FRMD4A: variants seen among roughly 807,000 people sequenced by gnomAD.
FRMD4A encodes FERM domain-containing protein 4A.
Under a neutral mutation model 129.1 loss-of-function variants are expected in FRMD4A, and 29 were observed. The ratio of observed to expected loss-of-function variants is 0.22; its 90% CI spans 0.17 to 0.31. The LOEUF (loss-of-function observed/expected upper bound fraction) is 0.31. Ranked by LOEUF, FRMD4A falls within the 10% of genes least tolerant of loss-of-function variation. The pLI is 1.00. For synonymous variants in FRMD4A, 634 were observed against 571.6 expected, an observed-to-expected ratio of 1.11 and a Z score of -1.56; for missense variants, 1,272 against 1,375.8, an observed-to-expected ratio of 0.92 and a Z score of 1.19.
chr10:13,917,305 TG>T (rs2095020969), intron 2 of FRMD4A, among the ~76,000 whole-genome samples: 4 of 147,860 alleles, frequency 2.7e-5, no homozygotes, highest in Admixed American at 6.7e-5. Flanking sequence ...TTTTTTGAGA[TG>T]GAGACTCGCT....
chr10:14,141,651 C>A (rs1012374589), intron 2 of FRMD4A, among the ~76,000 whole-genome samples: 1 of 152,124 alleles, frequency 6.6e-6, no homozygotes, highest in African/African-American at 2.4e-5. Flanking sequence ...AGGCCTTTTC[C>A]CCTGTCCTTC....
At chr10:13,942,794 G>A (rs959630587) in intron 2 of FRMD4A, among the ~76,000 whole-genome samples, 21 of 152,084 alleles carry the variant, frequency 1.4e-4, no homozygotes, top group South Asian at 6.2e-4. Flanking sequence ...TTAGCTGGGC[G>A]TGGTGGCGCG....
chr10:13,645,388 A>G lies in FRMD4A; in HGVS notation c.*1650T>C, dbSNP rs2081063125. 1 of 110,482 alleles carries G rather than the reference A, an allele frequency of 9.1e-6. No homozygotes were observed. Among genetic ancestry groups the G allele is most frequent in the South Asian group, 3.3e-4 (1 of 3,038 alleles). 6.8% of individuals were successfully genotyped at this position (110,482 alleles called of 1,614,324 possible). ...ACCCCATCCCCCCACCACTTGCGCC[A>G]AAAGCACAGCATACCACCTCTGCGG... On this transcript the variant is annotated 3_prime_UTR_variant, in exon 25 of 25. Coordinates refer to ENST00000357447, the MANE Select transcript of FRMD4A (RefSeq NM_018027.5).
At chr10:14,158,873 G>C (rs953047157) in intron 2 of FRMD4A, among the ~76,000 whole-genome samples, 8 of 140,636 alleles carry the variant, frequency 5.7e-5, no homozygotes, top group African/African-American at 1.9e-4. Flanking sequence ...AGGAGGAGGA[G>C]GTAGCCTTCT....
At chr10:13,795,238 A>G (rs1402640706) in intron 5 of FRMD4A, among the ~76,000 whole-genome samples, 6 of 152,234 alleles carry the variant, frequency 3.9e-5, no homozygotes, top group Non-Finnish European at 7.3e-5. Flanking sequence ...TTTGCTTTAT[A>G]TGGTTGCTTT....
chr10:14,157,885 A>G (rs538910077), intron 2 of FRMD4A, among the ~76,000 whole-genome samples: 4 of 152,314 alleles, frequency 2.6e-5, no homozygotes, highest in African/African-American at 9.6e-5. Flanking sequence ...CAAGTCAGGA[A>G]AGGATTCATA....
chr10:14,235,867 AT>A (rs1457391697), intron 2 of FRMD4A, among the ~76,000 whole-genome samples: 1 of 152,180 alleles, frequency 6.6e-6, no homozygotes. Context: ...ACAGACCACA[AT>A]TCCCGTGCCA....
chr10:14,163,393 G>T (rs1366445234), intron 2 of FRMD4A, among the ~76,000 whole-genome samples: 3 of 152,078 alleles, frequency 2.0e-5, no homozygotes, highest in African/African-American at 7.2e-5. Flanking sequence ...TTACCCAATC[G>T]CTATCATCCA....
At chr10:14,220,810 G>T (rs2400058) in intron 2 of FRMD4A, among the ~76,000 whole-genome samples, 5,842 of 26,788 alleles carry the variant, frequency 0.22, 135 homozygotes, top group South Asian at 0.39. Context: ...GTGTGTGTGT[G>T]TTTGTGTGTG....
At chr10:14,325,284 G>T (rs767090710) in intron 2 of FRMD4A, among the ~76,000 whole-genome samples, 1 of 152,124 alleles carries the variant, frequency 6.6e-6, no homozygotes, top group Non-Finnish European at 1.5e-5. Flanking sequence ...CCTCTCACAG[G>T]TCAAATGTAG....
chr10:13,920,340 T>G (rs1268363050), intron 2 of FRMD4A, among the ~76,000 whole-genome samples: 1 of 152,228 alleles, frequency 6.6e-6, no homozygotes, highest in African/African-American at 2.4e-5. Flanking sequence ...AATCTTGTTC[T>G]CAAAAGCTAT....
intron 2 of FRMD4A, among the ~76,000 whole-genome samples, chr10:13,866,681 T>C (rs1432696907): frequency 3.3e-5 from 5 of 152,136 alleles, no homozygotes; most frequent in African/African-American, 1.2e-4. Flanking sequence ...TAAAATCTGT[T>C]AAAACATTAA....
At chr10:13,794,036 A>G (rs1288956920) in intron 5 of FRMD4A, among the ~76,000 whole-genome samples, 2 of 152,122 alleles carry the variant, frequency 1.3e-5, no homozygotes, top group East Asian at 1.9e-4. Context: ...GGCTGCTTCA[A>G]TAGGTCGACT....
intron 3 of FRMD4A, among the ~76,000 whole-genome samples, chr10:13,841,288 C>T (rs576260539): frequency 2.0e-5 from 3 of 152,214 alleles, no homozygotes; most frequent in African/African-American, 4.8e-5. Context: ...GGCTTTTGTC[C>T]CTGATTTTGG....
At chr10:13,723,945 A>C (rs185564836) in intron 12 of FRMD4A, among the ~76,000 whole-genome samples, 67 of 152,100 alleles carry the variant, frequency 4.4e-4, no homozygotes, top group Non-Finnish European at 1.5e-5. Context: ...AGAACTGGAC[A>C]CTCTAATTTC....
chr10:13,877,352 C>G (rs1687460012), intron 2 of FRMD4A, among the ~76,000 whole-genome samples: 1 of 152,272 alleles, frequency 6.6e-6, no homozygotes, highest in Non-Finnish European at 1.5e-5. Context: ...CCAAGTCCTG[C>G]CACGTTTAGC....
chr10:13,831,058 A>G (rs1489899603), intron 3 of FRMD4A, among the ~76,000 whole-genome samples: 2 of 152,110 alleles, frequency 1.3e-5, no homozygotes, highest in Non-Finnish European at 2.9e-5. Context: ...CCAAAGTGCT[A>G]GGATTATAGG....
intron 2 of FRMD4A, among the ~76,000 whole-genome samples, chr10:14,148,731 C>T (rs1327622416): frequency 2.0e-5 from 3 of 150,254 alleles, no homozygotes; most frequent in African/African-American, 7.4e-5. Flanking sequence ...CACTGCACTC[C>T]AGCCTAGGTG....
chr10:14,228,173 A>C (rs1018583592), intron 2 of FRMD4A, among the ~76,000 whole-genome samples: 8 of 152,184 alleles, frequency 5.3e-5, no homozygotes, highest in Non-Finnish European at 7.3e-5. Flanking sequence ...CACCCAGCAT[A>C]GAAGTTTTAA....
Sources: allele counts gnomAD v4.1 joint callset (sites outside exome capture counted in the v4.1 genomes callset), GRCh38; gene constraint gnomAD v4.1.1; transcripts MANE v1.5; gene names NCBI Gene and HGNC (gene_info 2026-07-23, HGNC 2026-07-21).